SPECC1: variants seen among roughly 807,000 people sequenced by gnomAD.
SPECC1 encodes sperm antigen with calponin homology and coiled-coil domains 1.
In SPECC1, 62 loss-of-function variants were observed where a neutral mutation model predicts 104.1. The ratio of observed to expected loss-of-function variants is 0.60; its 90% CI spans 0.49 to 0.74. The LOEUF (loss-of-function observed/expected upper bound fraction) is 0.74. Among genes scored for constraint, SPECC1 ranks in the 30% least tolerant of loss-of-function variants. SPECC1 has a pLI of 0.00. For missense variants in SPECC1, 1,306 were observed against 1,310.5 expected, an observed-to-expected ratio of 1.00 and a Z score of 0.05; for synonymous variants, 513 against 501.6, an observed-to-expected ratio of 1.02 and a Z score of -0.30.
chr17:20,012,224 A>G (rs2043967922), intron 1 of SPECC1, among the ~76,000 whole-genome samples: 3 of 152,138 alleles, frequency 2.0e-5, no homozygotes, highest in Non-Finnish European at 4.4e-5. Context: ...CTGTTCCCTG[A>G]ACTCTTAGTA....
chr17:20,257,294 GA>G (rs2039866679), intron 10 of SPECC1, among the ~76,000 whole-genome samples, 156 bp from the exon 11 acceptor site: 1 of 152,188 alleles, frequency 6.6e-6, no homozygotes, highest in Non-Finnish European at 1.5e-5. Flanking sequence ...CCTGCCTGTA[GA>G]ATCCACATCC....
At chr17:20,244,197 C>T (rs1476822225) in intron 7 of SPECC1, among the ~76,000 whole-genome samples, 5 of 152,136 alleles carry the variant, frequency 3.3e-5, no homozygotes, top group Admixed American at 3.3e-4. Flanking sequence ...CCACTGCACT[C>T]CAGCCTGGGC....
chr17:20,303,617 A>T (rs1000607779), intron 13 of SPECC1, among the ~76,000 whole-genome samples: 1 of 152,200 alleles, frequency 6.6e-6, no homozygotes, highest in Non-Finnish European at 1.5e-5. Flanking sequence ...TGATGTATGA[A>T]ATCTAAAATA....
At position 20,257,483 on chromosome 17, in the gene SPECC1, C is replaced by G. The variant is rs767854607; in HGVS notation, c.2713C>G (p.Pro905Ala). The change falls in exon 11 of 15, where the codon CCA (proline) becomes GCA (alanine). Residue 905 changes from proline to alanine, a missense_variant. Physicochemically the swap from Pro to Ala is conservative, Grantham distance 27. Around this residue, in one of 2 missense-constraint regions of SPECC1, gnomAD observed 1,177 missense variants for 1,139.9 expected, o/e 1.03. Coordinates refer to ENST00000395527, the MANE Select transcript of SPECC1 (RefSeq NM_001243439.2). The stretch of plus-strand genomic sequence containing the variant: ...AAAGGGAAGGACTGAGACCCTGAAG[C>G]CAGACCCCCACCTCCGCAAGAGTCC... ...ILKGRTETLK[P>A]DPHLRKSPSL... 1.9e-6 allele frequency: 3 copies of G among 1,601,216 alleles called. No individual in the cohort carries two copies. Among genetic ancestry groups the G allele is most frequent in the African/African-American group, 1.4e-5 (1 of 73,902 alleles).
chr17:20,142,297 TC>T (rs1169509372), intron 3 of SPECC1, among the ~76,000 whole-genome samples: 1 of 152,230 alleles, frequency 6.6e-6, no homozygotes, highest in Admixed American at 6.5e-5. Context: ...TATAATATGA[TC>T]CAGTATTTCC....
intron 3 of SPECC1, among the ~76,000 whole-genome samples, chr17:20,163,991 A>G (rs2033410089): frequency 6.6e-6 from 1 of 152,220 alleles, no homozygotes; most frequent in Admixed American, 6.5e-5. Flanking sequence ...TAATAGATCC[A>G]ATTCTCATAA....
chr17:20,118,267 T>G (rs2048862388), intron 3 of SPECC1, among the ~76,000 whole-genome samples: 1 of 152,176 alleles, frequency 6.6e-6, no homozygotes, highest in African/African-American at 2.4e-5. Context: ...GTTGGTAATA[T>G]CTATCTAAAT....
At chr17:20,238,569 C>G (rs1241868926) in intron 7 of SPECC1, 3 of 1,042,898 alleles carry the variant, frequency 2.9e-6, no homozygotes, top group Non-Finnish European at 3.5e-6. Flanking sequence ...GGGTGTCAAA[C>G]TGGACAGCAC....
intron 14 of SPECC1, among the ~76,000 whole-genome samples, chr17:20,308,983 A>G (rs1445599137): frequency 4.6e-5 from 7 of 152,182 alleles, no homozygotes; most frequent in Non-Finnish European, 1.0e-4. Flanking sequence ...CTAATGTGCT[A>G]TAGAAGTTAG....
chr17:20,255,923 G>T (rs1402368867), intron 10 of SPECC1, among the ~76,000 whole-genome samples: 3 of 151,864 alleles, frequency 2.0e-5, no homozygotes, highest in Non-Finnish European at 4.4e-5. Context: ...TGTCACCCAG[G>T]CTGGAGTGCA....
At chr17:20,084,674 T>C (rs2047109165) in intron 1 of SPECC1, among the ~76,000 whole-genome samples, 2 of 152,186 alleles carry the variant, frequency 1.3e-5, no homozygotes, top group African/African-American at 4.8e-5. Flanking sequence ...GCTCATATTT[T>C]TGGTGTTGTA....
intron 3 of SPECC1, among the ~76,000 whole-genome samples, chr17:20,167,155 A>G (rs2033721817): frequency 6.8e-6 from 1 of 147,804 alleles, no homozygotes; most frequent in African/African-American, 2.5e-5. Flanking sequence ...ATTATATATA[A>G]TTTATATTAT....
intron 3 of SPECC1, among the ~76,000 whole-genome samples, chr17:20,197,145 G>C (rs911827719): frequency 6.6e-6 from 1 of 152,190 alleles, no homozygotes; most frequent in African/African-American, 2.4e-5. Context: ...AGGTGGAGCC[G>C]TTGGAAGAAC....
chr17:20,217,568 A>G (rs945206065), intron 4 of SPECC1, among the ~76,000 whole-genome samples: 1 of 152,114 alleles, frequency 6.6e-6, no homozygotes, highest in Non-Finnish European at 1.5e-5. Context: ...AACCACATGC[A>G]TGTTTCTAGA....
At chr17:20,052,868 G>A (rs2045826979) in intron 1 of SPECC1, among the ~76,000 whole-genome samples, 1 of 152,224 alleles carries the variant, frequency 6.6e-6, no homozygotes, top group African/African-American at 2.4e-5. Flanking sequence ...GATTTGAGGT[G>A]AGAATCTCAA....
chr17:20,118,806 T>C (rs1307509800), intron 3 of SPECC1, among the ~76,000 whole-genome samples: 4 of 152,206 alleles, frequency 2.6e-5, no homozygotes, highest in Non-Finnish European at 5.9e-5. Context: ...TTAGACAATA[T>C]AAATATAAAC....
At chr17:20,170,126 T>C (rs1000751335) in intron 3 of SPECC1, among the ~76,000 whole-genome samples, 4 of 152,244 alleles carry the variant, frequency 2.6e-5, no homozygotes, top group African/African-American at 9.6e-5. Context: ...GTTTGTCCGC[T>C]ACCTTCTTGC....
chr17:20,027,972 G>A (rs1479957326), intron 1 of SPECC1, among the ~76,000 whole-genome samples: 2 of 152,160 alleles, frequency 1.3e-5, no homozygotes, highest in Non-Finnish European at 2.9e-5. Context: ...TTGGTGTCAT[G>A]TCTAAGAATT....
chr17:20,149,315 T>C (rs913070659), intron 3 of SPECC1, among the ~76,000 whole-genome samples: 1 of 152,194 alleles, frequency 6.6e-6, no homozygotes, highest in Non-Finnish European at 1.5e-5. Flanking sequence ...GCTTCCAAGG[T>C]TGGCACTTGG....
Sources: gnomAD v4.1 joint callset for allele counts (sites outside exome capture counted in the v4.1 genomes callset) on GRCh38, gnomAD v4.1.1 for gene constraint, gnomAD v4.1.1 regional missense constraint, MANE v1.5 for transcripts, NCBI Gene and HGNC (gene_info 2026-07-23, HGNC 2026-07-21) for gene names.